The following TLE4 variants were observed in gnomAD, a reference collection of about 807,000 sequenced individuals.
TLE4 encodes transducin-like enhancer protein 4.
Under a neutral mutation model 92.8 loss-of-function variants are expected in TLE4, and 8 were observed. That is an observed-to-expected ratio of 0.09 (90% CI 0.05 to 0.16). TLE4 has a LOEUF of 0.16. Among genes scored for constraint, TLE4 ranks in the 10% least tolerant of loss-of-function variants. The pLI, the probability that TLE4 is intolerant of heterozygous loss-of-function variation, is 1.00. For missense variants in TLE4, 675 were observed against 997.6 expected, an observed-to-expected ratio of 0.68 and a Z score of 4.36; for synonymous variants, 371 against 374.1, an observed-to-expected ratio of 0.99 and a Z score of 0.10.
chr9:79,591,174 G>C (rs1023646437), intron 4 of TLE4, among the ~76,000 whole-genome samples: 1 of 152,226 alleles, frequency 6.6e-6, no homozygotes, highest in Non-Finnish European at 1.5e-5. Context: ...AAGCAGTGCA[G>C]TGGATACACA....
At chr9:79,655,125 A>G (rs1456233496) in intron 8 of TLE4, among the ~76,000 whole-genome samples, 1 of 152,174 alleles carries the variant, frequency 6.6e-6, no homozygotes, top group Non-Finnish European at 1.5e-5. Flanking sequence ...CTGGCGACAG[A>G]GTGAGACTCT....
At position 79,671,315 on chromosome 9, in the gene TLE4, T is replaced by C. The variant is rs1352705003; in HGVS notation, c.609+17240T>C. 6.6e-6 allele frequency: 3 copies of C among 455,102 alleles called. No homozygotes were observed. The East Asian group carries it at 2.1e-4, about 32-fold the overall frequency. The allele number at this position is 455,102 out of a possible 1,614,324, so 28.2% of individuals were successfully genotyped here. A position where few individuals can be genotyped will look rare whatever the true frequency, so the allele number is the denominator to read the frequency against. On this transcript the variant is annotated intron_variant, in intron 8 of 19. Coordinates refer to ENST00000376552, the MANE Select transcript of TLE4 (RefSeq NM_007005.6). ...GATTTTAAAAGACATTCACCTGCCA[T>C]GCTAGTGTTGTGTGCTTCTACTGGT...
At chr9:79,655,398 T>C (rs575145657) in intron 8 of TLE4, among the ~76,000 whole-genome samples, 10 of 152,218 alleles carry the variant, frequency 6.6e-5, no homozygotes, top group Admixed American at 6.5e-5. Context: ...ACCACTGTGC[T>C]AGCACTTTGA....
intron 6 of TLE4, among the ~76,000 whole-genome samples, chr9:79,638,717 G>T (rs1035591089): frequency 4.6e-5 from 7 of 152,100 alleles, no homozygotes; most frequent in Admixed American, 3.3e-4. Flanking sequence ...AAAGCAATTT[G>T]TAGACACAGC....
chr9:79,642,311 A>G (rs116181787), intron 6 of TLE4, among the ~76,000 whole-genome samples: 1,685 of 152,104 alleles, frequency 0.011, 38 homozygotes, highest in African/African-American at 0.038. Context: ...GTGGCTATTC[A>G]TAGGTATAAT....
chr9:79,667,093 C>T (rs13286435), intron 8 of TLE4, among the ~76,000 whole-genome samples: 4,208 of 152,292 alleles, frequency 0.028, 105 homozygotes, highest in East Asian at 0.088. Flanking sequence ...CCTACAGCTG[C>T]GCCCAGATCT....
chr9:79,601,369 C>T (rs1450315294), intron 4 of TLE4: 1 of 456,554 alleles, frequency 2.2e-6, no homozygotes, highest in Admixed American at 2.4e-5. Context: ...GCTTTAGCTA[C>T]AGGCATACCT....
intron 6 of TLE4, among the ~76,000 whole-genome samples, chr9:79,645,330 C>T (rs2057925992): frequency 6.6e-6 from 1 of 152,110 alleles, no homozygotes; most frequent in Non-Finnish European, 1.5e-5. Context: ...AATTATTCTG[C>T]TGTTGATAGC....
intron 16 of TLE4, among the ~76,000 whole-genome samples, chr9:79,720,978 A>G (rs1213144897): frequency 6.6e-6 from 1 of 152,228 alleles, no homozygotes; most frequent in African/African-American, 2.4e-5. Flanking sequence ...CTAAGAGATT[A>G]GCAAGCAAGT....
chr9:79,653,930 C>G (rs1238834222), intron 7 of TLE4, 129 bp from the exon 8 acceptor site: 7 of 1,061,372 alleles, frequency 6.6e-6, no homozygotes, highest in Non-Finnish European at 1.0e-5. Context: ...CAGTTGACAT[C>G]TGTGTAATTT....
chr9:79,611,147 C>G (rs1268406947), intron 4 of TLE4, among the ~76,000 whole-genome samples: 1 of 152,084 alleles, frequency 6.6e-6, no homozygotes, highest in African/African-American at 2.4e-5. Flanking sequence ...AATTTCACCC[C>G]ATAACCACTG....
chr9:79,615,159 T>A (rs1367264734), intron 5 of TLE4, among the ~76,000 whole-genome samples: 1 of 152,116 alleles, frequency 6.6e-6, no homozygotes, highest in Non-Finnish European at 1.5e-5. Flanking sequence ...TCCTTGCTTC[T>A]GCCCTGAAGC....
chr9:79,720,444 T>TA, intron 16 of TLE4, 151 bp downstream of exon 16: 1 of 1,108,180 alleles, frequency 9.0e-7, no homozygotes, highest in Non-Finnish European at 1.2e-6. Context: ...ATAATTATCT[T>TA]ACTAAAAATT....
chr9:79,608,501 A>C (rs2047615322), intron 4 of TLE4, among the ~76,000 whole-genome samples: 1 of 152,054 alleles, frequency 6.6e-6, no homozygotes. Flanking sequence ...CACCTTTTTA[A>C]AAAATGTTGA....
chr9:79,606,738 G>A (rs2047090804), intron 4 of TLE4, among the ~76,000 whole-genome samples: 1 of 151,988 alleles, frequency 6.6e-6, no homozygotes, highest in Admixed American at 6.6e-5. Context: ...AGTATTCCAT[G>A]GTGTATATGT....
intron 4 of TLE4, among the ~76,000 whole-genome samples, chr9:79,594,112 G>C (rs2043354730): frequency 6.6e-6 from 1 of 152,198 alleles, no homozygotes; most frequent in South Asian, 2.1e-4. Flanking sequence ...CTACAGAGGT[G>C]ATTTTGATGT....
chr9:79,707,989 A>G, intron 11 of TLE4, 129 bp from the exon 12 acceptor site: 1 of 946,412 alleles, frequency 1.1e-6, no homozygotes, highest in Admixed American at 2.7e-5. Context: ...TATTAAAGAA[A>G]ATCAAGGCCC....
In TLE4 at chr9:79,692,346, C is replaced by T. The variant is rs189232728; in HGVS notation, c.610-12437C>T. On this transcript the variant is annotated intron_variant, in intron 8 of 19. Coordinates refer to ENST00000376552, the MANE Select transcript of TLE4 (RefSeq NM_007005.6). The stretch of plus-strand genomic sequence containing the variant: ...CTGTGGAGAAGTGGAGTGGCTTTTC[C>T]CCAGGGTCCTGAGGCTTGAAAAAGT... Among the ~76,000 whole-genome samples the T allele has an allele frequency of 3.9e-3, 592 of 152,196 alleles. 4 individuals are homozygous for T. The highest frequency in any genetic ancestry group is 4.9e-3 in the Non-Finnish European group (332 of 68,016).
intron 4 of TLE4, among the ~76,000 whole-genome samples, chr9:79,608,264 AT>A (rs1332917335): frequency 1.3e-5 from 2 of 152,054 alleles, no homozygotes; most frequent in African/African-American, 4.8e-5. Flanking sequence ...TTAAGTTAGA[AT>A]TTCTCATTAG....
Sources: allele counts gnomAD v4.1 joint callset (sites outside exome capture counted in the v4.1 genomes callset), GRCh38; gene constraint gnomAD v4.1.1; transcripts MANE v1.5; gene names NCBI Gene and HGNC (gene_info 2026-07-23, HGNC 2026-07-21).